Variants in ITPRID1 observed in about 807,000 individuals in gnomAD.
ITPRID1 encodes the protein ITPR interacting domain containing 1.
ITPRID1 carries 96 observed loss-of-function variants against 95.4 expected under a neutral mutation model. The ratio of observed to expected loss-of-function variants is 1.01; its 90% confidence interval spans 0.85 to 1.19. ITPRID1 has a LOEUF of 1.19. Among genes scored for constraint, ITPRID1 ranks in the 50% most tolerant of loss-of-function variants. ITPRID1 has a pLI of 0.00. For missense variants in ITPRID1, 1,339 were observed against 1,252.9 expected (o/e 1.07, Z -1.04); for synonymous variants, 510 against 453.6 (o/e 1.12, Z -1.58).
chr7:31,561,462 C>A (rs56959648), intron 5 of ITPRID1, among the ~76,000 whole-genome samples: 86,318 of 151,480 alleles, frequency 0.57, 25,896 homozygotes, highest in Middle Eastern at 0.7. Context: ...ACATTGCTTA[C>A]CCAAGCTCAT....
At chr7:31,658,191 C>A (rs937197921), downstream of ITPRID1, 3 of 1,256,878 alleles carry the variant, frequency 2.4e-6, no homozygotes, top group Non-Finnish European at 2.1e-6. Context: ...TAAGGATATT[C>A]GTTTTTTAGC....
At chr7:31,639,373 C>A (rs1316218524) in intron 10 of ITPRID1, among the ~76,000 whole-genome samples, 14 of 151,420 alleles carry the variant, frequency 9.2e-5, no homozygotes, top group Admixed American at 9.2e-4. Flanking sequence ...CTCTAATCTG[C>A]TATATATATC....
Position 31,553,190 on chromosome 7 carries a change from G to A in ITPRID1, c.163+3G>A, listed in dbSNP as rs1158502285. ...GAGTCTCACCATCCCCATGCTGGGT[G>A]AGAAGGACTCTCAGGCCTATTTGAA... On this transcript the variant is annotated splice_donor_region_variant and intron_variant, in intron 3 of 14. Coordinates refer to ENST00000615280, the MANE Select transcript of ITPRID1 (RefSeq NM_001257967.3). 6 of 1,569,978 alleles carry A rather than the reference G, an allele frequency of 3.8e-6. No individual in the cohort carries two copies. Among genetic ancestry groups the A allele is most frequent in the Non-Finnish European group, 5.2e-6 (6 of 1,156,484 alleles).
intron 10 of ITPRID1, among the ~76,000 whole-genome samples, chr7:31,621,107 T>G (rs575220430): frequency 1.3e-5 from 2 of 151,860 alleles, no homozygotes; most frequent in Non-Finnish European, 2.9e-5. Flanking sequence ...TGGGACTATG[T>G]GAAAAGACCA....
At chr7:31,523,929 A>T (rs1783345877) in intron 1 of ITPRID1, among the ~76,000 whole-genome samples, 1 of 152,186 alleles carries the variant, frequency 6.6e-6, no homozygotes. Context: ...TTGCTGACCT[A>T]AATGTTAGTT....
intron 9 of ITPRID1, among the ~76,000 whole-genome samples, chr7:31,581,602 G>A (rs1785406954): frequency 6.6e-6 from 1 of 152,108 alleles, no homozygotes. Context: ...TTAGGTGGGG[G>A]AATGTTTCAA....
In ITPRID1 at chr7:31,643,757, G is replaced by A; in HGVS notation, c.2387G>A (p.Gly796Asp). 6.2e-7 allele frequency: 1 copy of A among 1,613,868 alleles called. No homozygotes were observed. The highest frequency in any genetic ancestry group is 8.5e-7 in the Non-Finnish European group (1 of 1,179,888). Reference protein sequence around the residue: ...DSGFSSICPMGTCHAIPAHCC... With the variant: ...DSGFSSICPMDTCHAIPAHCC... ...GGCTTCTCTAGTATCTGCCCAATGGGCACCTGCCATGCTATACCTGCCCAC... is the reference window on the plus strand; with the variant it reads ...GGCTTCTCTAGTATCTGCCCAATGGACACCTGCCATGCTATACCTGCCCAC... Residue 796 changes from glycine to aspartate, a missense_variant, in exon 12 of 15, where the codon GGC becomes GAC. Physicochemically the swap from Gly to Asp is moderately conservative, Grantham distance 94 (BLOSUM62 -1). Coordinates refer to ENST00000615280, the MANE Select transcript of ITPRID1 (RefSeq NM_001257967.3).
intron 12 of ITPRID1, among the ~76,000 whole-genome samples, chr7:31,646,042 A>C (rs186735159): frequency 6.6e-6 from 1 of 152,350 alleles, no homozygotes; most frequent in East Asian, 1.9e-4. Context: ...TTTCACAAAG[A>C]AAGGCTGGTT....
intron 1 of ITPRID1, among the ~76,000 whole-genome samples, chr7:31,523,639 C>T (rs565486731): frequency 3.6e-4 from 55 of 152,260 alleles, no homozygotes; most frequent in South Asian, 1.9e-3. Flanking sequence ...AATTCTCAAG[C>T]GATCTGGTTG....
chr7:31,542,212 G>A (rs939954108), intron 1 of ITPRID1, among the ~76,000 whole-genome samples: 3 of 152,116 alleles, frequency 2.0e-5, no homozygotes, highest in African/African-American at 7.2e-5. Context: ...ATAGAGCCTA[G>A]GACCTAGACA....
intron 1 of ITPRID1, among the ~76,000 whole-genome samples, chr7:31,516,229 G>A (rs1364868640): frequency 6.6e-6 from 1 of 152,124 alleles, no homozygotes; most frequent in African/African-American, 2.4e-5. Context: ...TCACCTGGAT[G>A]TCTTATTGCA....
At position 31,652,708 on chromosome 7, in the gene ITPRID1, C is replaced by A; in HGVS notation, c.3014C>A (p.Thr1005Asn). The A allele has an allele frequency of 6.2e-7, 1 of 1,613,972 alleles. No homozygotes were observed. The highest frequency in any genetic ancestry group is 8.5e-7 in the Non-Finnish European group (1 of 1,179,888). The stretch of plus-strand genomic sequence containing the variant: ...GGTGGGACCCAGTTGGCTGCCTTCA[C>A]TCCACCCACCTTGGAGAACAGCACC... Reference protein sequence around the residue: ...CSGGTQLAAFTPPTLENSTRM... With the variant: ...CSGGTQLAAFNPPTLENSTRM... The change falls in exon 15 of 15, where the codon ACT (threonine) becomes AAT (asparagine). Residue 1005 changes from threonine (T) to asparagine (N), a missense_variant. By Grantham distance (65) the Thr-to-Asn change is moderately conservative. Transcript: ENST00000615280.
chr7:31,575,015 G>T (rs1583518652), intron 8 of ITPRID1, among the ~76,000 whole-genome samples: 3 of 152,318 alleles, frequency 2.0e-5, no homozygotes, highest in Admixed American at 2.0e-4. Flanking sequence ...GATAGCGAAA[G>T]ATAGAAATGG....
chr7:31,610,208 T>A (rs1415749793), intron 10 of ITPRID1, among the ~76,000 whole-genome samples: 2 of 151,698 alleles, frequency 1.3e-5, no homozygotes, highest in African/African-American at 4.8e-5. Flanking sequence ...CTATCCTGCT[T>A]GGAGAATGTT....
chr7:31,587,901 A>G (rs926519834), intron 10 of ITPRID1, among the ~76,000 whole-genome samples: 5 of 152,106 alleles, frequency 3.3e-5, no homozygotes, highest in African/African-American at 1.2e-4. Context: ...AGGATTCCCT[A>G]TTTAATAAAT....
At chr7:31,622,341 G>C (rs1466673507) in intron 10 of ITPRID1, among the ~76,000 whole-genome samples, 2 of 151,928 alleles carry the variant, frequency 1.3e-5, no homozygotes, top group African/African-American at 4.8e-5. Context: ...TTCAAAAATT[G>C]ACCAGATAGT....
intron 9 of ITPRID1, among the ~76,000 whole-genome samples, chr7:31,578,897 A>C (rs1167100941): frequency 6.6e-6 from 1 of 152,130 alleles, no homozygotes; most frequent in Non-Finnish European, 1.5e-5. Context: ...CTGTCTCCCC[A>C]AAAAGACTCT....
intron 10 of ITPRID1, among the ~76,000 whole-genome samples, chr7:31,620,278 G>C (rs1346862674): frequency 2.0e-5 from 3 of 152,180 alleles, no homozygotes; most frequent in Admixed American, 1.3e-4. Context: ...CATGCAGCTG[G>C]AGATCTGAGA....
At chr7:31,616,088 C>T (rs936602973) in intron 10 of ITPRID1, among the ~76,000 whole-genome samples, 1 of 152,122 alleles carries the variant, frequency 6.6e-6, no homozygotes, top group Non-Finnish European at 1.5e-5. Context: ...AAAGGTCTAG[C>T]TGCTATGCAA....
Sources: gnomAD v4.1 joint callset for allele counts (sites outside exome capture counted in the v4.1 genomes callset) on GRCh38, gnomAD v4.1.1 for gene constraint, MANE v1.5 for transcripts, NCBI Gene and HGNC (gene_info 2026-07-23, HGNC 2026-07-21) for gene names.